The following NXPH1 variants were observed in gnomAD, a reference collection of about 807,000 sequenced individuals.
NXPH1 encodes the protein neurexophilin-1.
A neutral mutation model predicts 23.7 loss-of-function variants in NXPH1; 5 were observed. The ratio of observed to expected loss-of-function variants is 0.21; its 90% CI spans 0.11 to 0.44. The LOEUF (loss-of-function observed/expected upper bound fraction) is 0.44. Among genes scored for constraint, NXPH1 ranks in the 20% least tolerant of loss-of-function variants. The pLI is 0.99. For missense variants in NXPH1, 324 were observed against 321.6 expected (o/e 1.01, Z -0.06); for synonymous variants, 144 against 122.2 (o/e 1.18, Z -1.18).
chr7:8,479,018 A>G (rs1157975103), intron 2 of NXPH1, among the ~76,000 whole-genome samples: 1 of 152,138 alleles, frequency 6.6e-6, no homozygotes, highest in African/African-American at 2.4e-5. Flanking sequence ...ATAAAAAATA[A>G]CTATGGAGAT....
chr7:8,618,181 G>A (rs1021401209), intron 2 of NXPH1, among the ~76,000 whole-genome samples: 3 of 152,124 alleles, frequency 2.0e-5, no homozygotes, highest in African/African-American at 7.2e-5. Context: ...CAAAAGGGTA[G>A]AATGGATACT....
chr7:8,546,769 A>G (rs772102663), intron 2 of NXPH1, among the ~76,000 whole-genome samples: 13 of 151,316 alleles, frequency 8.6e-5, no homozygotes, highest in Non-Finnish European at 1.8e-4. Context: ...TGAACTGTCA[A>G]TTAGTATCTG....
rs1583248366 is a variant in NXPH1, at chr7:8,726,895, C to T, written c.55-24113C>T. On this transcript the variant is annotated intron_variant, in intron 2 of 2. Transcript: ENST00000405863. ...CAAATGGCGTTTCTAGTTCTAGATC[C>T]CTGAGGAATCGCCACACTGACTTCC... is the stretch of plus-strand genomic sequence containing the variant. Among the ~76,000 whole-genome samples the T allele has an allele frequency of 2.0e-5, 3 of 152,022 alleles. No homozygotes were observed. The South Asian group carries it at 6.2e-4, about 32-fold the overall frequency.
At chr7:8,475,067 G>A (rs79588109) in intron 2 of NXPH1, among the ~76,000 whole-genome samples, 1 of 152,078 alleles carries the variant, frequency 6.6e-6, no homozygotes, top group East Asian at 1.9e-4. Flanking sequence ...CACTCTGACT[G>A]GGGGGTGGGA....
intron 2 of NXPH1, among the ~76,000 whole-genome samples, chr7:8,626,767 A>G (rs1819998842): frequency 6.6e-6 from 1 of 152,130 alleles, no homozygotes; most frequent in African/African-American, 2.4e-5. Flanking sequence ...TAATAACAGT[A>G]AAGTAGTAAT....
chr7:8,702,282 T>C (rs1779636637), intron 2 of NXPH1, among the ~76,000 whole-genome samples: 1 of 152,158 alleles, frequency 6.6e-6, no homozygotes, highest in Non-Finnish European at 1.5e-5. Flanking sequence ...ACATATTGCA[T>C]ACATGTATTG....
chr7:8,538,839 C>A (rs1450193127), intron 2 of NXPH1, among the ~76,000 whole-genome samples: 1 of 151,856 alleles, frequency 6.6e-6, no homozygotes, highest in African/African-American at 2.4e-5. Context: ...TCCCAGACAG[C>A]AAGCTGTATG....
intron 2 of NXPH1, among the ~76,000 whole-genome samples, chr7:8,501,786 G>T (rs963557587): frequency 6.6e-6 from 1 of 152,000 alleles, no homozygotes; most frequent in Admixed American, 6.6e-5. Context: ...GGCTGTCATA[G>T]CTCCCCAATG....
intron 2 of NXPH1, among the ~76,000 whole-genome samples, chr7:8,484,081 C>T (rs1817119180): frequency 6.6e-6 from 1 of 151,156 alleles, no homozygotes; most frequent in Admixed American, 6.6e-5. Flanking sequence ...GCTCTGCATG[C>T]AACAAACCAA....
chr7:8,656,594 C>T (rs542445506), intron 2 of NXPH1, among the ~76,000 whole-genome samples: 23 of 147,922 alleles, frequency 1.6e-4, no homozygotes, highest in Non-Finnish European at 2.5e-4. Flanking sequence ...GCACAATGTG[C>T]GGGTTAGTTA....
At chr7:8,523,973 G>A (rs10241366) in intron 2 of NXPH1, among the ~76,000 whole-genome samples, 45,437 of 151,898 alleles carry the variant, frequency 0.3, 7,042 homozygotes, top group East Asian at 0.38. Flanking sequence ...AGCCGGGCAC[G>A]GTGGCTCATG....
At chr7:8,664,607 C>T (rs1443219900) in intron 2 of NXPH1, among the ~76,000 whole-genome samples, 1 of 152,090 alleles carries the variant, frequency 6.6e-6, no homozygotes, top group Non-Finnish European at 1.5e-5. Flanking sequence ...AACCTCTAGA[C>T]TGTTTTCCAT....
At chr7:8,519,502 AG>A (rs1817736281) in intron 2 of NXPH1, among the ~76,000 whole-genome samples, 1 of 152,210 alleles carries the variant, frequency 6.6e-6, no homozygotes, top group African/African-American at 2.4e-5. Context: ...ACTTAAACTA[AG>A]GGATTCCAAG....
At chr7:8,693,671 T>C (rs1467829877) in intron 2 of NXPH1, among the ~76,000 whole-genome samples, 1 of 152,236 alleles carries the variant, frequency 6.6e-6, no homozygotes, top group East Asian at 1.9e-4. Flanking sequence ...AATAAATATT[T>C]TTTCCTTTGT....
intron 2 of NXPH1, among the ~76,000 whole-genome samples, chr7:8,562,364 A>C (rs139422902): frequency 6.6e-6 from 1 of 151,822 alleles, no homozygotes; most frequent in African/African-American, 2.4e-5. Context: ...AATATTAACA[A>C]AAGTACTTCA....
chr7:8,684,066 G>A (rs1041589538), intron 2 of NXPH1, among the ~76,000 whole-genome samples: 1 of 152,126 alleles, frequency 6.6e-6, no homozygotes, highest in African/African-American at 2.4e-5. Flanking sequence ...TATCATGTTT[G>A]GAGAACAGTG....
At chr7:8,522,911 G>T (rs1380887825) in intron 2 of NXPH1, among the ~76,000 whole-genome samples, 1 of 152,188 alleles carries the variant, frequency 6.6e-6, no homozygotes, top group Non-Finnish European at 1.5e-5. Context: ...GTTACAATGT[G>T]TCACAGAGCA....
At chr7:8,668,286 T>C (rs1209664476) in intron 2 of NXPH1, among the ~76,000 whole-genome samples, 1 of 140,110 alleles carries the variant, frequency 7.1e-6, no homozygotes, top group Admixed American at 7.3e-5. Context: ...TTGTTGTTGT[T>C]GTCTTATGTT....
intron 2 of NXPH1, among the ~76,000 whole-genome samples, chr7:8,665,045 T>G (rs903624181): frequency 1.9e-4 from 29 of 150,376 alleles, no homozygotes; most frequent in African/African-American, 7.1e-4. Context: ...AATTGTCTGT[T>G]TTCACTATTG....
Sources: allele counts gnomAD v4.1 joint callset (sites outside exome capture counted in the v4.1 genomes callset), GRCh38; gene constraint gnomAD v4.1.1; transcripts MANE v1.5; gene names NCBI Gene and HGNC (gene_info 2026-07-23, HGNC 2026-07-21).